The following LDAH variants were observed in gnomAD, a reference collection of about 807,000 sequenced individuals.
LDAH encodes the protein lipid droplet associated hydrolase.
In LDAH, 26 loss-of-function variants were observed where a neutral mutation model predicts 29.6. The ratio of observed to expected loss-of-function variants is 0.88; its 90% CI spans 0.64 to 1.22. LDAH has a LOEUF of 1.22. Among genes scored for constraint, LDAH ranks in the 50% most tolerant of loss-of-function variants. LDAH has a pLI of 0.00. For synonymous variants in LDAH, 117 were observed against 133.0 expected, an observed-to-expected ratio of 0.88 and a Z score of 0.83; for missense variants, 344 against 387.3, an observed-to-expected ratio of 0.89 and a Z score of 0.94.
rs568520257 is a variant in LDAH, at chr2:20,805,492, C to G, written c.-2-4027G>C. On this transcript the variant is annotated intron_variant, in intron 1 of 6. Coordinates refer to ENST00000237822, the MANE Select transcript of LDAH (RefSeq NM_021925.4). Reference sequence around the variant, plus strand: ...CAAGGTAGTTCAGTTCTGCAAATAACTGTCAGATTAACAAAGGAGAGTACG... The same window carrying G: ...CAAGGTAGTTCAGTTCTGCAAATAAGTGTCAGATTAACAAAGGAGAGTACG... 2.2e-4 allele frequency among the ~76,000 whole-genome samples: 33 copies of G among 152,290 alleles called. No homozygotes were observed. In the South Asian group the frequency reaches 3.9e-3, roughly 18 times the overall value.
intron 4 of LDAH, among the ~76,000 whole-genome samples, chr2:20,773,549 A>G (rs1241179297): frequency 6.6e-6 from 1 of 152,206 alleles, no homozygotes; most frequent in African/African-American, 2.4e-5. Flanking sequence ...TTATTTAGGG[A>G]AAAAACACCC....
chr2:20,740,230 TG>T (rs1327416569), intron 4 of LDAH, 25 bp from the exon 5 acceptor site: 4 of 1,509,552 alleles, frequency 2.6e-6, no homozygotes, highest in Non-Finnish European at 2.8e-6. Context: ...CATACTTTGA[TG>T]AGAGGTTTTC....
intron 4 of LDAH, among the ~76,000 whole-genome samples, chr2:20,772,204 A>G (rs1032907046): frequency 6.6e-6 from 1 of 152,244 alleles, no homozygotes; most frequent in Non-Finnish European, 1.5e-5. Flanking sequence ...AGCAAACACA[A>G]AAACCAAAAC....
chr2:20,741,294 T>C (rs1019383711), intron 4 of LDAH, among the ~76,000 whole-genome samples: 5 of 152,220 alleles, frequency 3.3e-5, no homozygotes, highest in African/African-American at 1.2e-4. Context: ...CTGTTATTTC[T>C]TTCAGGGACT....
chr2:20,763,408 C>A (rs941060673), intron 4 of LDAH, among the ~76,000 whole-genome samples: 1 of 152,184 alleles, frequency 6.6e-6, no homozygotes, highest in Non-Finnish European at 1.5e-5. Flanking sequence ...ACCAGAATCA[C>A]CTGCAGTGCT....
chr2:20,786,867 A>T (rs1670592377), intron 3 of LDAH, among the ~76,000 whole-genome samples: 1 of 152,174 alleles, frequency 6.6e-6, no homozygotes, highest in Admixed American at 6.5e-5. Context: ...AAAGCTCTGG[A>T]ACTCTTTTTC....
At chr2:20,705,322 C>T (rs902687496) in intron 5 of LDAH, among the ~76,000 whole-genome samples, 2 of 152,202 alleles carry the variant, frequency 1.3e-5, no homozygotes, top group African/African-American at 4.8e-5. Flanking sequence ...TCAAACTCAG[C>T]TGTCTTAGCT....
intron 1 of LDAH, among the ~76,000 whole-genome samples, chr2:20,815,383 C>A (rs929251870): frequency 1.3e-5 from 2 of 151,710 alleles, no homozygotes; most frequent in African/African-American, 4.8e-5. Context: ...GATATAATAG[C>A]TGAAAACTTC....
At chr2:20,754,394 GGGA>G (rs1424765758) in intron 4 of LDAH, among the ~76,000 whole-genome samples, 15 of 151,010 alleles carry the variant, frequency 9.9e-5, no homozygotes, top group African/African-American at 2.7e-4. Flanking sequence ...GGGAGGCTGA[GGGA>G]GGAGAACTGC....
At chr2:20,800,273 T>C (rs1671573344) in intron 2 of LDAH, among the ~76,000 whole-genome samples, 1 of 152,232 alleles carries the variant, frequency 6.6e-6, no homozygotes, top group Non-Finnish European at 1.5e-5. Flanking sequence ...ATAACAAAGA[T>C]ACTTTCTATA....
intron 1 of LDAH, among the ~76,000 whole-genome samples, chr2:20,812,734 T>C (rs371700435): frequency 3.3e-5 from 5 of 152,112 alleles, no homozygotes; most frequent in African/African-American, 1.2e-4. Context: ...GTGAGGAGTG[T>C]TTCAAGAAAG....
chr2:20,800,881 C>T (rs568908365), intron 2 of LDAH, among the ~76,000 whole-genome samples: 1 of 152,260 alleles, frequency 6.6e-6, no homozygotes, highest in African/African-American at 2.4e-5. Context: ...ATCCACCCAC[C>T]TCAGCCTCCC....
chr2:20,719,201 C>T (rs1480678020), intron 5 of LDAH, among the ~76,000 whole-genome samples: 1 of 124,284 alleles, frequency 8.0e-6, no homozygotes, highest in Admixed American at 8.0e-5. Flanking sequence ...TAAAAAACCA[C>T]AAAAGATCAA....
intron 5 of LDAH, among the ~76,000 whole-genome samples, chr2:20,705,720 G>A (rs1216776415): frequency 6.6e-6 from 1 of 152,174 alleles, no homozygotes; most frequent in Non-Finnish European, 1.5e-5. Flanking sequence ...CTATAAACAT[G>A]TGCTCTGTAT....
chr2:20,700,775 G>A (rs1663873541), intron 6 of LDAH, among the ~76,000 whole-genome samples: 2 of 152,100 alleles, frequency 1.3e-5, no homozygotes, highest in Admixed American at 6.6e-5. Flanking sequence ...CTATATCTAA[G>A]GTAGTATTTC....
chr2:20,707,739 C>T (rs1664417651), intron 5 of LDAH, among the ~76,000 whole-genome samples: 1 of 152,216 alleles, frequency 6.6e-6, no homozygotes, highest in Admixed American at 6.5e-5. Context: ...TTCTACCAGT[C>T]CACCAGAGAA....
chr2:20,788,020 A>G (rs1351366934), intron 3 of LDAH, among the ~76,000 whole-genome samples: 1 of 152,158 alleles, frequency 6.6e-6, no homozygotes, highest in Non-Finnish European at 1.5e-5. Context: ...GCATAATTAA[A>G]CCATTATGAA....
At chr2:20,810,886 A>G (rs533979034) in intron 1 of LDAH, among the ~76,000 whole-genome samples, 3 of 152,282 alleles carry the variant, frequency 2.0e-5, no homozygotes, top group Admixed American at 1.3e-4. Flanking sequence ...TATGCTCCCT[A>G]TGAGAAACTA....
chr2:20,812,531 C>A (rs1672564329), intron 1 of LDAH, among the ~76,000 whole-genome samples: 2 of 152,152 alleles, frequency 1.3e-5, no homozygotes, highest in South Asian at 2.1e-4. Context: ...ACCCTATAAA[C>A]CCTACATCAT....
Sources: gnomAD v4.1 joint callset for allele counts (sites outside exome capture counted in the v4.1 genomes callset) on GRCh38, gnomAD v4.1.1 for gene constraint, MANE v1.5 for transcripts, NCBI Gene and HGNC (gene_info 2026-07-23, HGNC 2026-07-21) for gene names.